Variants in CEP170 observed in about 807,000 individuals in gnomAD.
CEP170 encodes centrosomal protein 170, also known as centrosomal protein of 170 kDa.
Under a neutral mutation model 151.9 loss-of-function variants are expected in CEP170, and 21 were observed. The observed-to-expected ratio is 0.14, with a 90% CI of 0.10 to 0.20. The LOEUF is 0.20. Among genes scored for constraint, CEP170 ranks in the 10% least tolerant of loss-of-function variants. CEP170 has a pLI of 1.00. For missense variants in CEP170, 964 were observed against 1,892.9 expected (o/e 0.51, Z 9.11); for synonymous variants, 356 against 648.8 (o/e 0.55, Z 6.86).
chr1:243,247,004 T>A (rs2065467830), intron 1 of CEP170, among the ~76,000 whole-genome samples: 2 of 152,138 alleles, frequency 1.3e-5, no homozygotes. Flanking sequence ...TATTTTGCAC[T>A]TTACCCCTAT....
chr1:243,226,003 A>G (rs2063198974), intron 1 of CEP170, among the ~76,000 whole-genome samples: 1 of 141,346 alleles, frequency 7.1e-6, no homozygotes, highest in Admixed American at 6.9e-5. Flanking sequence ...ACACGTATAT[A>G]TATCTAGATA....
At chr1:243,233,752 A>G (rs1284497071) in intron 1 of CEP170, among the ~76,000 whole-genome samples, 2 of 124,980 alleles carry the variant, frequency 1.6e-5, no homozygotes, top group African/African-American at 2.8e-5. Context: ...ATATATATAT[A>G]TATATATATA....
intron 10 of CEP170, among the ~76,000 whole-genome samples, chr1:243,173,784 T>C (rs1235906016): frequency 2.0e-5 from 3 of 151,250 alleles, no homozygotes; most frequent in East Asian, 3.9e-4. Flanking sequence ...AGTACAACAA[T>C]GCAAAGAGTT....
Position 243,225,303 on chromosome 1 carries a change from T to C in CEP170, c.-23A>G. 6.9e-7 allele frequency: 1 copy of C among 1,453,666 alleles called. No homozygotes were observed. The allele number at this position is 1,453,666 out of a possible 1,614,324, so 90.0% of individuals were successfully genotyped here. On this transcript the variant is annotated 5_prime_UTR_variant, in exon 2 of 20. Coordinates refer to ENST00000366542, the MANE Select transcript of CEP170 (RefSeq NM_014812.3). Reference sequence around the variant, plus strand: ...CATTTTCTGCTTAGCTTCTAAGTCTTTGGCAAAGCTACGTCATCCTGAAGA... The same window carrying C: ...CATTTTCTGCTTAGCTTCTAAGTCTCTGGCAAAGCTACGTCATCCTGAAGA...
chr1:243,172,561 G>A (rs2058927974), intron 11 of CEP170, 136 bp downstream of exon 11: 5 of 582,016 alleles, frequency 8.6e-6, no homozygotes, highest in African/African-American at 1.9e-5. Flanking sequence ...GAACTCAGAC[G>A]GCAGAGGCTG....
intron 8 of CEP170, 66 bp from the exon 9 acceptor site, chr1:243,186,488 T>C (rs1305239965): frequency 2.7e-6 from 4 of 1,491,536 alleles, no homozygotes; most frequent in Non-Finnish European, 3.6e-6. Context: ...TAGAAGCATA[T>C]ACAAAAGTGC....
chr1:243,238,878 A>T (rs996996704), intron 1 of CEP170, among the ~76,000 whole-genome samples: 1 of 152,158 alleles, frequency 6.6e-6, no homozygotes, highest in Non-Finnish European at 1.5e-5. Flanking sequence ...TTACCTCTCA[A>T]TATCTTTGAC....
At position 243,191,351 on chromosome 1, in the gene CEP170, T is replaced by C. The variant is rs1418472346; in HGVS notation, c.775A>G (p.Ile259Val). 2 of 1,612,246 alleles carry C rather than the reference T, an allele frequency of 1.2e-6. No individual in the cohort carries two copies. Among genetic ancestry groups the C allele is most frequent in the East Asian group, 2.2e-5 (1 of 44,866 alleles). Reference sequence around the variant, plus strand: ...GTGTCTTTTGTTGGGATTTCATGAATAGTGCTTTCTGTTATTTGTGATGGT... The same window carrying C: ...GTGTCTTTTGTTGGGATTTCATGAACAGTGCTTTCTGTTATTTGTGATGGT... ...QQPSQITEST[I>V]HEIPTKDTPS... The change falls in exon 8 of 20, where the codon ATT (isoleucine) becomes GTT (valine). Residue 259 changes from isoleucine to valine, a missense_variant. Transcript: ENST00000366542.
At chr1:243,168,235 T>A (rs1385702694) in intron 12 of CEP170, 1 of 152,014 alleles carries the variant, frequency 6.6e-6, no homozygotes, top group African/African-American at 2.4e-5. Context: ...TCTAGTACAC[T>A]GCTATGTAGC....
At chr1:243,180,590 A>G (rs2059559878) in intron 10 of CEP170, among the ~76,000 whole-genome samples, 1 of 152,174 alleles carries the variant, frequency 6.6e-6, no homozygotes, top group Non-Finnish European at 1.5e-5. Flanking sequence ...CTAATTCTCT[A>G]TCTGAGTGGA....
At chr1:243,208,025 C>T (rs1438089689) in intron 4 of CEP170, among the ~76,000 whole-genome samples, 1 of 152,112 alleles carries the variant, frequency 6.6e-6, no homozygotes, top group East Asian at 1.9e-4. Context: ...AAAACTTGCT[C>T]TACCTACAGA....
intron 1 of CEP170, 62 bp from the exon 2 acceptor site, chr1:243,225,383 C>CA (rs1411777648): frequency 1.6e-6 from 1 of 614,704 alleles, no homozygotes; most frequent in Non-Finnish European, 2.7e-6. Context: ...GGCTATTCAC[C>CA]AAACACTGGA....
intron 1 of CEP170, among the ~76,000 whole-genome samples, chr1:243,254,750 G>A (rs908433098): frequency 4.0e-5 from 6 of 150,592 alleles, no homozygotes; most frequent in Non-Finnish European, 8.9e-5. Context: ...GCAGCAAGGG[G>A]CTCGGGAAAG....
At position 243,165,048 on chromosome 1, in the gene CEP170, G is replaced by C; in HGVS notation, c.2912C>G (p.Ser971Cys). 1 of 1,612,036 alleles carries C rather than the reference G, an allele frequency of 6.2e-7. No individual in the cohort carries two copies. The highest frequency in any genetic ancestry group is 8.5e-7 in the Non-Finnish European group (1 of 1,178,694). Residue 971 changes from serine to cysteine, a missense_variant, in exon 13 of 20, where the codon TCT becomes TGT. By Grantham distance (112) the Ser-to-Cys change is moderately radical. Coordinates refer to ENST00000366542, the MANE Select transcript of CEP170 (RefSeq NM_014812.3). ...TGATTTTGTAACATCTTTGGAAGGA[G>C]AACCTGTGGAACACCTATCTTTATA... ...SLYKDRCSTG[S>C]PSKDVTKSSS...
At chr1:243,244,278 T>A (rs1020259493) in intron 1 of CEP170, among the ~76,000 whole-genome samples, 1 of 152,016 alleles carries the variant, frequency 6.6e-6, no homozygotes, top group Non-Finnish European at 1.5e-5. Context: ...AACTGTCCTG[T>A]ACATTTGAGA....
rs1313542599 is a variant in CEP170 at position 243,140,077 on chromosome 1, T to A, written c.4090A>T (p.Asn1364Tyr). The change falls in exon 16 of 20, where the codon AAC (asparagine) becomes TAC (tyrosine). Residue 1364 changes from asparagine to tyrosine, a missense_variant. Physicochemically the swap from Asn to Tyr is moderately radical, Grantham distance 143. Coordinates refer to ENST00000366542, the MANE Select transcript of CEP170 (RefSeq NM_014812.3). ...LVDRVFDESL[N>Y]FRKIPPLVHS... is the part of the protein sequence containing the mutation. ...ACTAATGGAGGAATCTTTCGGAAGT[T>A]GAGGCTTTCATCAAAAACACGATCA... The A allele has an allele frequency of 6.2e-7, 1 of 1,613,878 alleles. No individual in the cohort carries two copies. Among genetic ancestry groups the A allele is most frequent in the Non-Finnish European group, 8.5e-7 (1 of 1,179,794 alleles).
intron 8 of CEP170, 105 bp downstream of exon 8, chr1:243,190,913 G>A: frequency 7.0e-7 from 1 of 1,430,308 alleles, no homozygotes; most frequent in East Asian, 2.5e-5. Context: ...TTTGAAAAAA[G>A]CAGAATGTTT....
chr1:243,178,137 T>A (rs994485345), intron 10 of CEP170, among the ~76,000 whole-genome samples: 1 of 151,984 alleles, frequency 6.6e-6, no homozygotes, highest in African/African-American at 2.4e-5. Flanking sequence ...GAGACCAGCC[T>A]GGCCAACATG....
At chr1:243,230,659 G>C (rs2063666799) in intron 1 of CEP170, among the ~76,000 whole-genome samples, 1 of 152,182 alleles carries the variant, frequency 6.6e-6, no homozygotes, top group South Asian at 2.1e-4. Flanking sequence ...GGAGGAGTTA[G>C]AAAGGTTCAG....
Sources: gnomAD v4.1 joint callset for allele counts (sites outside exome capture counted in the v4.1 genomes callset) on GRCh38, gnomAD v4.1.1 for gene constraint, MANE v1.5 for transcripts, NCBI Gene and HGNC (gene_info 2026-07-23, HGNC 2026-07-21) for gene names.